EMP2: variants seen among roughly 807,000 people sequenced by gnomAD.
EMP2 encodes the protein epithelial membrane protein 2.
A neutral mutation model predicts 13.7 loss-of-function variants in EMP2; 19 were observed. The ratio of observed to expected loss-of-function variants is 1.38; its 90% CI spans 0.97 to 2.03. The LOEUF (loss-of-function observed/expected upper bound fraction) is 2.03, where lower values mean the gene tolerates loss of function less well. EMP2 is among the 30% of genes most tolerant of loss of function. The pLI, the probability that EMP2 is intolerant of heterozygous loss-of-function variation, is 0.00. For synonymous variants in EMP2, 97 were observed against 84.7 expected (o/e 1.15, Z -0.80); for missense variants, 253 against 220.7 (o/e 1.15, Z -0.93).
At chr16:10,556,821 G>T (rs932278641) in intron 1 of EMP2, among the ~76,000 whole-genome samples, 2 of 152,198 alleles carry the variant, frequency 1.3e-5, no homozygotes, top group African/African-American at 4.8e-5. Flanking sequence ...TAGTTTTCCA[G>T]TTCCAAATAC....
intron 1 of EMP2, among the ~76,000 whole-genome samples, chr16:10,575,687 C>T (rs947156575): frequency 1.7e-4 from 26 of 152,118 alleles, no homozygotes; most frequent in African/African-American, 6.3e-4. Context: ...AGTGAGGAAG[C>T]CAGCCTCTCC....
chr16:10,576,385 G>C (rs554136097), intron 1 of EMP2: 3 of 152,048 alleles, frequency 2.0e-5, no homozygotes, highest in African/African-American at 7.2e-5. Context: ...TTGTGATCAG[G>C]TCATCAAAAG....
intron 1 of EMP2, among the ~76,000 whole-genome samples, chr16:10,567,348 T>C (rs1428134789): frequency 6.6e-6 from 1 of 152,230 alleles, no homozygotes; most frequent in Non-Finnish European, 1.5e-5. Flanking sequence ...AGCCTTGAGA[T>C]GACAATATAG....
At chr16:10,569,708 C>T (rs552764716) in intron 1 of EMP2, among the ~76,000 whole-genome samples, 23 of 152,312 alleles carry the variant, frequency 1.5e-4, no homozygotes, top group Admixed American at 3.9e-4. Flanking sequence ...GAAATGAACA[C>T]GAGCATAATA....
At chr16:10,551,645 G>A (rs2050789116) in intron 1 of EMP2, among the ~76,000 whole-genome samples, 1 of 152,176 alleles carries the variant, frequency 6.6e-6, no homozygotes, top group African/African-American at 2.4e-5. Flanking sequence ...GACCTCATGT[G>A]ATCTGCCTGC....
intron 1 of EMP2, among the ~76,000 whole-genome samples, chr16:10,577,310 G>T (rs916021443): frequency 6.6e-6 from 1 of 152,138 alleles, no homozygotes; most frequent in Non-Finnish European, 1.5e-5. Context: ...AGCCGTGCAG[G>T]ACAGGTGCCC....
intron 1 of EMP2, among the ~76,000 whole-genome samples, chr16:10,567,931 C>T (rs1293723360): frequency 1.3e-5 from 2 of 152,138 alleles, no homozygotes; most frequent in Admixed American, 6.5e-5. Flanking sequence ...GGAGGGGTAG[C>T]GAGGTTAGGT....
At position 10,561,220 on chromosome 16, in the gene EMP2, A is replaced by G. The variant is rs143560141; in HGVS notation, c.-60-13543T>C. 2.0e-4 allele frequency among the ~76,000 whole-genome samples: 30 copies of G among 152,326 alleles called. No individual in the cohort carries two copies. The East Asian group carries it at 5.4e-3, about 27-fold the overall frequency. ...TGCCGTGATCTGCACTGGGACAGGAAGCAGAAGTAGCATGTTTGAAGGATG... is the reference window on the plus strand; with the variant it reads ...TGCCGTGATCTGCACTGGGACAGGAGGCAGAAGTAGCATGTTTGAAGGATG... On this transcript the variant is annotated intron_variant, in intron 1 of 4. Coordinates refer to ENST00000359543, the MANE Select transcript of EMP2 (RefSeq NM_001424.6).
At chr16:10,575,540 AGCTT>A (rs1174947211) in intron 1 of EMP2, among the ~76,000 whole-genome samples, 3 of 151,782 alleles carry the variant, frequency 2.0e-5, no homozygotes, top group Non-Finnish European at 4.4e-5. Flanking sequence ...AGGCGTGAGG[AGCTT>A]GCATTCTTGG....
intron 1 of EMP2, among the ~76,000 whole-genome samples, chr16:10,570,826 C>A (rs1262649427): frequency 1.3e-5 from 2 of 152,066 alleles, no homozygotes; most frequent in Non-Finnish European, 2.9e-5. Context: ...TAGGCATGAG[C>A]CACCATGCCT....
intron 1 of EMP2, among the ~76,000 whole-genome samples, chr16:10,575,364 C>T (rs1297699678): frequency 6.8e-6 from 1 of 147,702 alleles, no homozygotes; most frequent in African/African-American, 2.5e-5. Context: ...CGCCATTTTC[C>T]TGCCTCAGCC....
chr16:10,537,243 T>C (rs1323799676), intron 4 of EMP2, among the ~76,000 whole-genome samples: 2 of 152,222 alleles, frequency 1.3e-5, no homozygotes, highest in East Asian at 3.9e-4. Context: ...TGACTTCTGA[T>C]CTGACTTAAG....
In EMP2 at chr16:10,543,638, A is replaced by C; in HGVS notation, c.101T>G (p.Phe34Cys). ...ACATATTCTCCAGACATCTGCAAAA[A>C]ACTCATCTCCTACCCACCAGGCCTG... is the stretch of plus-strand genomic sequence containing the variant. ...VDNAWWVGDE[F>C]FADVWRICTN... The change falls in exon 3 of 5, where the codon TTT (phenylalanine) becomes TGT (cysteine). Residue 34 changes from phenylalanine (F) to cysteine (C), a missense_variant. Physicochemically the swap from Phe to Cys is radical, Grantham distance 205. Coordinates refer to ENST00000359543, the MANE Select transcript of EMP2 (RefSeq NM_001424.6). The C allele has an allele frequency of 6.2e-7, 1 of 1,614,168 alleles. No homozygotes were observed. Among genetic ancestry groups the C allele is most frequent in the Non-Finnish European group, 8.5e-7 (1 of 1,180,028 alleles).
intron 1 of EMP2, among the ~76,000 whole-genome samples, chr16:10,550,931 C>T (rs60089223): frequency 0.052 from 7,879 of 151,108 alleles, 311 homozygotes; most frequent in African/African-American, 0.11. Flanking sequence ...GCCAAGAACG[C>T]GCCACTGCAC....
chr16:10,570,363 C>T (rs140537563), intron 1 of EMP2, among the ~76,000 whole-genome samples: 5 of 151,934 alleles, frequency 3.3e-5, no homozygotes, highest in Non-Finnish European at 4.4e-5. Context: ...GTACCTAGGA[C>T]GACAGGTGCA....
chr16:10,538,131 G>A, intron 3 of EMP2, 57 bp from the exon 4 acceptor site: 1 of 1,588,308 alleles, frequency 6.3e-7, no homozygotes, highest in South Asian at 1.1e-5. Context: ...GGCACTGTGG[G>A]GTACACAGCG....
chr16:10,533,945 C>T (rs1360168896), intron 4 of EMP2, among the ~76,000 whole-genome samples: 1 of 151,970 alleles, frequency 6.6e-6, no homozygotes, highest in East Asian at 1.9e-4. Context: ...GAAACCCCGT[C>T]CCTACTAAAA....
chr16:10,537,616 A>G lies in EMP2; in HGVS notation c.316+312T>C, dbSNP rs542441291. 3.3e-5 allele frequency among the ~76,000 whole-genome samples: 5 copies of G among 151,744 alleles called. No individual in the cohort carries two copies. In the South Asian group the frequency reaches 6.3e-4, roughly 19 times the overall value. On this transcript the variant is annotated intron_variant, in intron 4 of 4. Transcript: ENST00000359543. ...CAGGACACTGTTCCCTCCTCTCTCTATTGAGACACAACACTGTCGACAGCG... is the reference window on the plus strand; with the variant it reads ...CAGGACACTGTTCCCTCCTCTCTCTGTTGAGACACAACACTGTCGACAGCG...
At chr16:10,577,915 A>C in intron 1 of EMP2, 1 of 151,328 alleles carries the variant, frequency 6.6e-6, no homozygotes, top group Non-Finnish European at 1.5e-5. Flanking sequence ...CCACTTGGCC[A>C]CAGAGCTGGG....
Sources: allele counts gnomAD v4.1 joint callset (sites outside exome capture counted in the v4.1 genomes callset), GRCh38; gene constraint gnomAD v4.1.1; transcripts MANE v1.5; gene names NCBI Gene and HGNC (gene_info 2026-07-23, HGNC 2026-07-21).